Variants in IMMP2L observed in about 807,000 individuals in gnomAD.
IMMP2L encodes the protein mitochondrial inner membrane protease subunit 2.
A neutral mutation model predicts 19.3 loss-of-function variants in IMMP2L; 18 were observed. The observed-to-expected ratio is 0.93, with a 90% CI of 0.64 to 1.38. The LOEUF (loss-of-function observed/expected upper bound fraction) is 1.38, where lower values mean the gene tolerates loss of function less well. Ranked by LOEUF, IMMP2L falls within the 40% of genes most tolerant of loss-of-function variation. The pLI is 0.00. For synonymous variants in IMMP2L, 76 were observed against 73.0 expected, an observed-to-expected ratio of 1.04 and a Z score of -0.21; for missense variants, 233 against 218.2, an observed-to-expected ratio of 1.07 and a Z score of -0.43.
chr7:110,689,261 T>C (rs1793329710), intron 5 of IMMP2L, among the ~76,000 whole-genome samples: 1 of 152,154 alleles, frequency 6.6e-6, no homozygotes, highest in Non-Finnish European at 1.5e-5. Flanking sequence ...AAAAAGTGAG[T>C]GTGTTTCCTT....
intron 3 of IMMP2L, among the ~76,000 whole-genome samples, chr7:111,471,569 T>C (rs1490762437): frequency 2.6e-5 from 4 of 152,140 alleles, no homozygotes; most frequent in Non-Finnish European, 5.9e-5. Flanking sequence ...GTAAAATATC[T>C]CATTAATATT....
intron 3 of IMMP2L, among the ~76,000 whole-genome samples, chr7:111,191,000 G>A (rs577334971): frequency 5.9e-5 from 9 of 152,000 alleles, no homozygotes; most frequent in African/African-American, 2.2e-4. Context: ...TGCTTTGAGC[G>A]GGCAAACGGA....
intron 3 of IMMP2L, chr7:111,391,773 C>G (rs943552411): frequency 1.6e-6 from 1 of 620,024 alleles, no homozygotes; most frequent in Non-Finnish European, 2.9e-6. Flanking sequence ...CAAACAACTA[C>G]GATAAGAGTA....
chr7:111,207,617 C>A (rs1047056685), intron 3 of IMMP2L, among the ~76,000 whole-genome samples: 2 of 147,356 alleles, frequency 1.4e-5, no homozygotes, highest in Admixed American at 6.8e-5. Flanking sequence ...CTCACTGCAA[C>A]CTCAGCCTTC....
chr7:111,534,123 G>T (rs1847653350), intron 1 of IMMP2L, among the ~76,000 whole-genome samples: 1 of 151,882 alleles, frequency 6.6e-6, no homozygotes, highest in Non-Finnish European at 1.5e-5. Flanking sequence ...ATTTAATATG[G>T]TAATATGTAC....
intron 3 of IMMP2L, among the ~76,000 whole-genome samples, chr7:111,115,399 A>G (rs1043355109): frequency 6.6e-6 from 1 of 152,184 alleles, no homozygotes; most frequent in Non-Finnish European, 1.5e-5. Context: ...ATAATTAAAT[A>G]TAACTACAAA....
chr7:111,476,868 C>T (rs529292474), intron 3 of IMMP2L, among the ~76,000 whole-genome samples: 34 of 152,234 alleles, frequency 2.2e-4, no homozygotes, highest in African/African-American at 7.9e-4. Flanking sequence ...TTTCTAAGGG[C>T]TCATGTGATT....
At chr7:111,355,506 A>G (rs1198135176) in intron 3 of IMMP2L, among the ~76,000 whole-genome samples, 1 of 151,646 alleles carries the variant, frequency 6.6e-6, no homozygotes, top group Non-Finnish European at 1.5e-5. Flanking sequence ...AATTTCAGAT[A>G]TTTTTTCAAA....
Position 110,682,454 on chromosome 7 carries a change from T to G in IMMP2L, c.409-18733A>C, listed in dbSNP as rs550009344. ...AAATACATGATATAAAATGGAAAGA[T>G]GCTCAAAAAAGTTTGTCAGTTGATT... On this transcript the variant is annotated intron_variant, in intron 5 of 5. Transcript: ENST00000405709. Among the ~76,000 whole-genome samples the G allele has an allele frequency of 4.6e-5, 7 of 152,268 alleles. No homozygotes were observed. The South Asian group carries it at 1.4e-3, about 32-fold the overall frequency.
At chr7:111,501,207 G>C (rs926777635) in intron 2 of IMMP2L, among the ~76,000 whole-genome samples, 2 of 152,112 alleles carry the variant, frequency 1.3e-5, no homozygotes, top group Non-Finnish European at 2.9e-5. Context: ...GCGATCAACT[G>C]GAAGAAAGGG....
chr7:110,733,895 A>G (rs1202497248), intron 5 of IMMP2L, among the ~76,000 whole-genome samples: 3 of 152,096 alleles, frequency 2.0e-5, no homozygotes, highest in Admixed American at 2.0e-4. Flanking sequence ...GCAAGCTTTC[A>G]TCAGACACTG....
At chr7:110,690,911 A>C (rs1793449593) in intron 5 of IMMP2L, among the ~76,000 whole-genome samples, 1 of 152,172 alleles carries the variant, frequency 6.6e-6, no homozygotes, top group Admixed American at 6.6e-5. Context: ...CAATCTACAG[A>C]TTGAATGCAA....
In IMMP2L at chr7:111,466,998, G is replaced by A. The variant is rs561231276; in HGVS notation, c.239+20240C>T. Reference sequence around the variant, plus strand: ...AGAGGTCCTGGAACCAATTCCCCATGGATATGAAGGGACAACTGTACTAAG... The same window carrying A: ...AGAGGTCCTGGAACCAATTCCCCATAGATATGAAGGGACAACTGTACTAAG... On this transcript the variant is annotated intron_variant, in intron 3 of 5. Transcript: ENST00000405709. 2.6e-5 allele frequency among the ~76,000 whole-genome samples: 4 copies of A among 152,236 alleles called. No individual in the cohort carries two copies. In the East Asian group the frequency reaches 7.7e-4, roughly 29 times the overall value.
At chr7:111,053,631 G>C (rs775561898) in intron 3 of IMMP2L, among the ~76,000 whole-genome samples, 1 of 152,278 alleles carries the variant, frequency 6.6e-6, no homozygotes, top group South Asian at 2.1e-4. Context: ...ATTCCTGGTG[G>C]TGGGGGCTGA....
At chr7:111,320,995 A>G (rs1209575190) in intron 3 of IMMP2L, among the ~76,000 whole-genome samples, 1 of 152,120 alleles carries the variant, frequency 6.6e-6, no homozygotes, top group Non-Finnish European at 1.5e-5. Context: ...AAAGATATAA[A>G]TGAAAGGCGG....
At chr7:111,126,631 C>A (rs1801339643) in intron 3 of IMMP2L, among the ~76,000 whole-genome samples, 1 of 151,810 alleles carries the variant, frequency 6.6e-6, no homozygotes, top group Non-Finnish European at 1.5e-5. Context: ...ATTTAAAAAT[C>A]TTATATAGGG....
chr7:110,789,180 G>GAA (rs1210394368), intron 5 of IMMP2L, among the ~76,000 whole-genome samples: 1 of 151,768 alleles, frequency 6.6e-6, no homozygotes, highest in Non-Finnish European at 1.5e-5. Context: ...CCCAGGCTTT[G>GAA]GGTCTTCCCA....
chr7:110,928,741 T>TA (rs956987733), intron 4 of IMMP2L, among the ~76,000 whole-genome samples: 3 of 152,274 alleles, frequency 2.0e-5, no homozygotes, highest in African/African-American at 7.2e-5. Flanking sequence ...AATAGGAATA[T>TA]AATCTATCCC....
chr7:111,034,852 G>A (rs1173595611), intron 3 of IMMP2L, among the ~76,000 whole-genome samples: 1 of 152,058 alleles, frequency 6.6e-6, no homozygotes, highest in Admixed American at 6.5e-5. Context: ...CCAGAAACTC[G>A]TTCCAGCACC....
Sources: gnomAD v4.1 joint callset for allele counts (sites outside exome capture counted in the v4.1 genomes callset) on GRCh38, gnomAD v4.1.1 for gene constraint, MANE v1.5 for transcripts, NCBI Gene and HGNC (gene_info 2026-07-23, HGNC 2026-07-21) for gene names.